The following USP3 variants were observed in gnomAD, a reference collection of about 807,000 sequenced individuals.
The protein encoded by USP3 is ubiquitin specific peptidase 3, also known as ubiquitin carboxyl-terminal hydrolase 3.
USP3 carries 20 observed loss-of-function variants against 72.3 expected under a neutral mutation model. That is an observed-to-expected ratio of 0.28 (90% CI 0.19 to 0.40). USP3 has a LOEUF of 0.40. USP3 is among the 10% of genes least tolerant of loss of function. The pLI is 1.00. For synonymous variants in USP3, 222 were observed against 225.3 expected (o/e 0.99, Z 0.13); for missense variants, 479 against 633.9 (o/e 0.76, Z 2.62).
chr15:63,562,788 T>A (rs2066628736), intron 7 of USP3, 107 bp from the exon 8 acceptor site: 2 of 632,672 alleles, frequency 3.2e-6, no homozygotes, highest in South Asian at 5.4e-5. Context: ...ACCAAATCCT[T>A]TTTAAGTGTT....
intron 6 of USP3, 51 bp downstream of exon 6, chr15:63,558,239 G>A (rs560743317): frequency 5.4e-5 from 86 of 1,594,678 alleles, no homozygotes; most frequent in Middle Eastern, 1.7e-4. Flanking sequence ...TTAAGAGCAC[G>A]GGCTCTGGCT....
At chr15:63,539,715 G>C (rs140938060) in intron 3 of USP3, among the ~76,000 whole-genome samples, 1 of 152,200 alleles carries the variant, frequency 6.6e-6, no homozygotes, top group Non-Finnish European at 1.5e-5. Flanking sequence ...GTGTGAAGTT[G>C]TACAGAGCTG....
chr15:63,533,756 T>A (rs1208828417), intron 2 of USP3: 1 of 846,300 alleles, frequency 1.2e-6, no homozygotes, highest in Admixed American at 2.9e-5. Flanking sequence ...TTGGAAAATG[T>A]TAACTGCATT....
rs768716559 is a variant in USP3, at chr15:63,574,070, G to T, written c.933G>T (p.Thr311=). The T allele has an allele frequency of 2.5e-6, 4 of 1,593,218 alleles. No homozygotes were observed. In the South Asian group the frequency reaches 4.6e-5, roughly 19 times the overall value. ...GAAATGGAGCATCTACTGTTGTCAC[G>T]GCTATATTCGGAGGCATTCTCCAAA... is the stretch of plus-strand genomic sequence containing the variant. ...CCINGASTVV[T]AIFGGILQNE... The change falls in exon 10 of 15, where the codon ACG becomes ACT. Residue 311 remains threonine (T), a synonymous_variant. Coordinates refer to ENST00000380324, the MANE Select transcript of USP3 (RefSeq NM_006537.4). The surrounding 1 kb of genome is among the most constrained non-coding windows in gnomAD (Gnocchi z 4.6).
At chr15:63,565,275 A>G (rs1055358387) in intron 8 of USP3, among the ~76,000 whole-genome samples, 3 of 152,206 alleles carry the variant, frequency 2.0e-5, no homozygotes, top group African/African-American at 7.2e-5. Context: ...GGATAGAGAA[A>G]TCATTAAGCC....
intron 9 of USP3, 71 bp from the exon 10 acceptor site, chr15:63,573,975 T>C: frequency 2.8e-6 from 3 of 1,067,234 alleles, no homozygotes; most frequent in South Asian, 2.2e-5. Context: ...TTAACAAATA[T>C]TTGTAGTTTT....
intron 9 of USP3, among the ~76,000 whole-genome samples, chr15:63,573,345 G>A (rs4326997): frequency 0.12 from 18,125 of 152,138 alleles, 1,129 homozygotes; most frequent in African/African-American, 0.14. Flanking sequence ...ATATCTGATG[G>A]AGCAGAGGCA....
At chr15:63,587,626 C>T (rs1395026624) in intron 11 of USP3, 1 of 152,202 alleles carries the variant, frequency 6.6e-6, no homozygotes, top group Non-Finnish European at 1.5e-5. Flanking sequence ...TTAGGCTTTG[C>T]ACCACATAAG....
chr15:63,585,331 TAAC>T (rs1305010615), intron 11 of USP3, among the ~76,000 whole-genome samples: 1 of 152,184 alleles, frequency 6.6e-6, no homozygotes, highest in Non-Finnish European at 1.5e-5. Context: ...ATAATCATGT[TAAC>T]AACATCAAGT....
At chr15:63,566,170 T>G (rs2066687370) in intron 8 of USP3, among the ~76,000 whole-genome samples, 1 of 152,214 alleles carries the variant, frequency 6.6e-6, no homozygotes, top group Non-Finnish European at 1.5e-5. Context: ...AAATCAGTTC[T>G]TGTTATAATT....
At chr15:63,587,073 T>C (rs2067082382) in intron 11 of USP3, among the ~76,000 whole-genome samples, 1 of 152,134 alleles carries the variant, frequency 6.6e-6, no homozygotes, top group Non-Finnish European at 1.5e-5. Flanking sequence ...CGCTTTTCTG[T>C]ACACAGCTAG....
intron 11 of USP3, among the ~76,000 whole-genome samples, chr15:63,575,614 G>C (rs2066851089): frequency 6.6e-6 from 1 of 152,146 alleles, no homozygotes; most frequent in African/African-American, 2.4e-5. Context: ...TACACAACCA[G>C]TGTTGATTGT....
intron 6 of USP3, among the ~76,000 whole-genome samples, chr15:63,559,479 C>G (rs2066568488): frequency 6.6e-6 from 1 of 152,074 alleles, no homozygotes; most frequent in African/African-American, 2.4e-5. Context: ...TATAGTGTAT[C>G]AAAATAATAT....
intron 11 of USP3, chr15:63,586,646 C>G (rs1044079003): frequency 5.3e-5 from 8 of 152,204 alleles, no homozygotes; most frequent in African/African-American, 1.9e-4. Flanking sequence ...CAGCATCACT[C>G]TATTTGCAAG....
intron 1 of USP3, among the ~76,000 whole-genome samples, chr15:63,527,554 C>T (rs964853068): frequency 1.3e-5 from 2 of 152,076 alleles, no homozygotes; most frequent in Non-Finnish European, 2.9e-5. Context: ...TGGTAGGCCT[C>T]GAATATCAAA....
intron 2 of USP3, among the ~76,000 whole-genome samples, chr15:63,535,307 T>C (rs2066139620): frequency 6.6e-6 from 1 of 152,242 alleles, no homozygotes; most frequent in African/African-American, 2.4e-5. Flanking sequence ...TGTGCCCACC[T>C]TCTAAGCAAT....
At chr15:63,559,550 C>A (rs544168048) in intron 6 of USP3, among the ~76,000 whole-genome samples, 1 of 151,994 alleles carries the variant, frequency 6.6e-6, no homozygotes, top group Non-Finnish European at 1.5e-5. Flanking sequence ...AACAAGCAAC[C>A]GAAAAGAAAG....
chr15:63,527,818 A>G (rs981232708), intron 1 of USP3: 1 of 152,210 alleles, frequency 6.6e-6, no homozygotes, highest in African/African-American at 2.4e-5. Context: ...TTTGGCCTCT[A>G]GGTCACTTAG....
intron 3 of USP3, among the ~76,000 whole-genome samples, chr15:63,547,888 G>GAGAGAGAGAGAGGGAT (rs1555446525): frequency 2.7e-5 from 2 of 73,300 alleles, no homozygotes; most frequent in Non-Finnish European, 5.8e-5. Flanking sequence ...GAGAGAGAGA[G>GAGAGAGAGAGAGGGAT]AGAGAGAGGC....
Sources: allele counts gnomAD v4.1 joint callset (sites outside exome capture counted in the v4.1 genomes callset), GRCh38; gene constraint gnomAD v4.1.1; non-coding constraint Gnocchi (gnomAD v3.1); transcripts MANE v1.5; gene names NCBI Gene and HGNC (gene_info 2026-07-23, HGNC 2026-07-21).